The following SLC8A1 variants were observed in gnomAD, a reference collection of about 807,000 sequenced individuals.
SLC8A1 encodes solute carrier family 8 member A1, also known as sodium/calcium exchanger 1.
Under a neutral mutation model 68.3 loss-of-function variants are expected in SLC8A1, and 18 were observed. The ratio of observed to expected loss-of-function variants is 0.26; its 90% CI spans 0.18 to 0.39. The LOEUF (loss-of-function observed/expected upper bound fraction) is 0.39, where lower values mean the gene tolerates loss of function less well. Among genes scored for constraint, SLC8A1 ranks in the 10% least tolerant of loss-of-function variants. The pLI, the probability that SLC8A1 is intolerant of heterozygous loss-of-function variation, is 1.00. For synonymous variants in SLC8A1, 475 were observed against 415.5 expected, an observed-to-expected ratio of 1.14 and a Z score of -1.74; for missense variants, 985 against 1,156.7, an observed-to-expected ratio of 0.85 and a Z score of 2.15.
chr2:40,386,840 G>A (rs1164731702), intron 2 of SLC8A1, among the ~76,000 whole-genome samples: 1 of 150,950 alleles, frequency 6.6e-6, no homozygotes, highest in Non-Finnish European at 1.5e-5. Context: ...CATAAATAAT[G>A]TATCCCTAAA....
At chr2:40,441,628 C>G (rs1700504439) in intron 1 of SLC8A1, among the ~76,000 whole-genome samples, 1 of 152,108 alleles carries the variant, frequency 6.6e-6, no homozygotes. Flanking sequence ...CTACAACCAT[C>G]TGATCTTCTA....
intron 1 of SLC8A1, among the ~76,000 whole-genome samples, chr2:40,491,732 G>A (rs935703975): frequency 2.6e-5 from 4 of 152,148 alleles, no homozygotes; most frequent in Admixed American, 6.5e-5. Context: ...CATCTATTGA[G>A]AGAACCATGT....
chr2:40,457,558 G>C (rs1437001941), intron 1 of SLC8A1, among the ~76,000 whole-genome samples: 1 of 152,132 alleles, frequency 6.6e-6, no homozygotes, highest in Non-Finnish European at 1.5e-5. Context: ...TAATGATGCT[G>C]ATTCTGCTAC....
intron 2 of SLC8A1, among the ~76,000 whole-genome samples, chr2:40,308,194 G>C (rs139241519): frequency 1.8e-4 from 27 of 152,104 alleles, no homozygotes; most frequent in Non-Finnish European, 7.4e-5. Flanking sequence ...TGAGGAGAAG[G>C]TGCCTCATGA....
At chr2:40,492,326 C>G (rs1407976896) in intron 1 of SLC8A1, among the ~76,000 whole-genome samples, 1 of 152,182 alleles carries the variant, frequency 6.6e-6, no homozygotes, top group East Asian at 1.9e-4. Context: ...TTCCTGACAC[C>G]TTATACAAAA....
chr2:40,408,633 A>G (rs1381102269), intron 2 of SLC8A1, among the ~76,000 whole-genome samples: 2 of 152,216 alleles, frequency 1.3e-5, no homozygotes, highest in African/African-American at 4.8e-5. Context: ...AATTGAAACT[A>G]CAATAACAGC....
At chr2:40,331,238 G>A (rs2076375109) in intron 2 of SLC8A1, among the ~76,000 whole-genome samples, 3 of 152,180 alleles carry the variant, frequency 2.0e-5, no homozygotes, top group South Asian at 4.1e-4. Flanking sequence ...ATCAATAAAT[G>A]TGTCTTATCA....
At chr2:40,406,750 C>T (rs914071601) in intron 2 of SLC8A1, among the ~76,000 whole-genome samples, 3 of 152,180 alleles carry the variant, frequency 2.0e-5, no homozygotes, top group Non-Finnish European at 4.4e-5. Context: ...AGCCTACAAT[C>T]TAACCATTGT....
At chr2:40,504,827 G>C (rs71441104) in intron 1 of SLC8A1, among the ~76,000 whole-genome samples, 6,269 of 151,502 alleles carry the variant, frequency 0.041, 186 homozygotes, top group Non-Finnish European at 0.061. Flanking sequence ...GTGAGGATGT[G>C]GTGTAAAGGA....
chr2:40,252,368 T>C (rs149940812), intron 2 of SLC8A1, among the ~76,000 whole-genome samples: 8,078 of 152,244 alleles, frequency 0.053, 229 homozygotes, highest in Non-Finnish European at 0.062. Flanking sequence ...AGTCTTGCTC[T>C]GTCACCCAGG....
intron 2 of SLC8A1, among the ~76,000 whole-genome samples, chr2:40,206,044 G>A (rs473400): frequency 0.76 from 115,423 of 151,784 alleles, 44,483 homozygotes; most frequent in Middle Eastern, 0.84. Context: ...ATTGGAAAAA[G>A]TAAAGTTACA....
chr2:40,133,952 CCTT>C (rs1266857428), intron 7 of SLC8A1, among the ~76,000 whole-genome samples: 2 of 152,134 alleles, frequency 1.3e-5, no homozygotes, highest in Admixed American at 6.5e-5. Flanking sequence ...TCCAAATGCT[CCTT>C]CTTAATTTTT....
At chr2:40,148,750 G>T (rs1403817555) in intron 6 of SLC8A1, among the ~76,000 whole-genome samples, 1 of 152,154 alleles carries the variant, frequency 6.6e-6, no homozygotes, top group Non-Finnish European at 1.5e-5. Flanking sequence ...CTATTGGAAA[G>T]GTATAAACAA....
chr2:40,239,181 C>G (rs2060866611), intron 2 of SLC8A1, among the ~76,000 whole-genome samples: 2 of 152,040 alleles, frequency 1.3e-5, no homozygotes, highest in Admixed American at 1.3e-4. Flanking sequence ...GTCAATCATG[C>G]AAAAAGGGGC....
intron 2 of SLC8A1, among the ~76,000 whole-genome samples, chr2:40,330,027 T>A (rs1010970937): frequency 6.6e-6 from 1 of 152,190 alleles, no homozygotes; most frequent in Non-Finnish European, 1.5e-5. Flanking sequence ...AAACTAATGT[T>A]TCTAACTAAA....
At chr2:40,421,541 A>G (rs1361097492) in intron 2 of SLC8A1, among the ~76,000 whole-genome samples, 1 of 152,170 alleles carries the variant, frequency 6.6e-6, no homozygotes, top group Non-Finnish European at 1.5e-5. Context: ...ATCTTAGGGT[A>G]TTTTATTAAT....
chr2:40,243,401 T>G (rs900869567), intron 2 of SLC8A1, among the ~76,000 whole-genome samples: 1 of 152,116 alleles, frequency 6.6e-6, no homozygotes, highest in Non-Finnish European at 1.5e-5. Flanking sequence ...GGAGGATCAC[T>G]TGAGCCTAGG....
chr2:40,229,787 T>C (rs896976082), intron 2 of SLC8A1, among the ~76,000 whole-genome samples: 3 of 152,184 alleles, frequency 2.0e-5, no homozygotes, highest in South Asian at 2.1e-4. Flanking sequence ...CCTTCCTGTA[T>C]TGTGTGCTTG....
intron 2 of SLC8A1, among the ~76,000 whole-genome samples, chr2:40,203,326 T>C (rs778585052): frequency 3.3e-5 from 5 of 151,984 alleles, no homozygotes; most frequent in Admixed American, 6.6e-5. Flanking sequence ...GCATGGAAGA[T>C]TGGAGCAAAC....
Sources: gnomAD v4.1 joint callset for allele counts (sites outside exome capture counted in the v4.1 genomes callset) on GRCh38, gnomAD v4.1.1 for gene constraint, MANE v1.5 for transcripts, NCBI Gene and HGNC (gene_info 2026-07-23, HGNC 2026-07-21) for gene names.